The following THSD7B variants were observed in gnomAD, a reference collection of about 807,000 sequenced individuals.
THSD7B encodes thrombospondin type 1 domain containing 7B.
A neutral mutation model predicts 213.6 loss-of-function variants in THSD7B; 138 were observed. The ratio of observed to expected loss-of-function variants is 0.65; its 90% CI spans 0.56 to 0.74. THSD7B has a LOEUF of 0.74. Among genes scored for constraint, THSD7B ranks in the 30% least tolerant of loss-of-function variants. THSD7B has a pLI of 0.00. For synonymous variants in THSD7B, 742 were observed against 687.0 expected (o/e 1.08, Z -1.25); for missense variants, 1,931 against 1,991.5 (o/e 0.97, Z 0.58).
intron 7 of THSD7B, among the ~76,000 whole-genome samples, chr2:137,212,025 C>A (rs922419734): frequency 6.6e-6 from 1 of 151,966 alleles, no homozygotes; most frequent in African/African-American, 2.4e-5. Context: ...ATGTGAATCA[C>A]AACAATCACG....
intron 3 of THSD7B, among the ~76,000 whole-genome samples, chr2:137,064,833 T>G (rs1177979997): frequency 6.6e-6 from 1 of 152,088 alleles, no homozygotes; most frequent in Non-Finnish European, 1.5e-5. Context: ...TGGGTTTATT[T>G]CTGGGTTCTC....
intron 12 of THSD7B, among the ~76,000 whole-genome samples, chr2:137,281,562 C>G (rs1256845202): frequency 6.7e-6 from 1 of 150,292 alleles, no homozygotes; most frequent in East Asian, 2.0e-4. Flanking sequence ...CCCACCCCCA[C>G]CCCACAGCAG....
At chr2:137,274,729 T>G (rs1205668254) in intron 11 of THSD7B, among the ~76,000 whole-genome samples, 1 of 152,122 alleles carries the variant, frequency 6.6e-6, no homozygotes, top group Admixed American at 6.6e-5. Context: ...CAATGACATT[T>G]TAGTTCAAAA....
intron 12 of THSD7B, among the ~76,000 whole-genome samples, chr2:137,360,572 T>G (rs1685230237): frequency 6.6e-6 from 1 of 152,178 alleles, no homozygotes; most frequent in Non-Finnish European, 1.5e-5. Flanking sequence ...ATCCCTTGCC[T>G]GGCTCAGTGG....
At position 137,129,912 on chromosome 2, in the gene THSD7B, G is replaced by A. The variant is rs1179929421; in HGVS notation, c.1369+14619G>A. Among the ~76,000 whole-genome samples, 5 of 152,208 alleles carry A rather than the reference G, an allele frequency of 3.3e-5. No homozygotes were observed. In the East Asian group the frequency reaches 9.6e-4, roughly 29 times the overall value. On this transcript the variant is annotated intron_variant, in intron 5 of 27. Transcript: ENST00000409968. Reference sequence around the variant, plus strand: ...CACTGTTTTCTAATGAGAATACGATGAGCATTAGTGGGAAAATGTAGAAGG... The same window carrying A: ...CACTGTTTTCTAATGAGAATACGATAAGCATTAGTGGGAAAATGTAGAAGG...
At chr2:137,362,215 C>T (rs530409887) in intron 12 of THSD7B, among the ~76,000 whole-genome samples, 145 of 152,224 alleles carry the variant, frequency 9.5e-4, no homozygotes, top group Non-Finnish European at 1.6e-3. Flanking sequence ...GCCTGCCTTA[C>T]GAGAACTCCT....
rs1432526741 is a variant in THSD7B, at chr2:137,555,808, G to A, written c.3139-7413G>A. ...TAAAAACCTTGAAAAAAGACTAGAC[G>A]AATGGCTAGCTAGAATAACCAATGC... On this transcript the variant is annotated intron_variant, in intron 15 of 27. Coordinates refer to ENST00000409968, the MANE Select transcript of THSD7B (RefSeq NM_001316349.2). Among the ~76,000 whole-genome samples the A allele has an allele frequency of 7.9e-5, 12 of 152,110 alleles. No homozygotes were observed. The East Asian group carries it at 1.4e-3, about 17-fold the overall frequency.
chr2:137,618,321 C>A, intron 18 of THSD7B, 71 bp from the exon 19 acceptor site: 1 of 1,203,066 alleles, frequency 8.3e-7, no homozygotes, highest in Non-Finnish European at 1.2e-6. Flanking sequence ...AGCAGATAAT[C>A]AAAGGTCTGT....
At chr2:137,610,091 T>C (rs1302433087) in intron 17 of THSD7B, among the ~76,000 whole-genome samples, 2 of 152,132 alleles carry the variant, frequency 1.3e-5, no homozygotes, top group Non-Finnish European at 2.9e-5. Flanking sequence ...ATTGTGCACA[T>C]AAAGTTCAGA....
intron 2 of THSD7B, among the ~76,000 whole-genome samples, chr2:136,920,406 G>A (rs1177861447): frequency 6.6e-6 from 1 of 152,206 alleles, no homozygotes. Flanking sequence ...GAAGAGACCT[G>A]TAATGGGTAG....
chr2:136,860,236 G>A (rs1683238778), intron 1 of THSD7B, among the ~76,000 whole-genome samples: 1 of 151,994 alleles, frequency 6.6e-6, no homozygotes, highest in Admixed American at 6.6e-5. Context: ...AGACAGCGAT[G>A]CGAGTAGAGG....
chr2:137,387,662 A>C (rs34226559), intron 12 of THSD7B, among the ~76,000 whole-genome samples: 1,950 of 152,260 alleles, frequency 0.013, 20 homozygotes, highest in Non-Finnish European at 0.02. Context: ...ACCAAAAAAG[A>C]AATATTTTTT....
chr2:137,519,788 G>GTAAA (rs1288069415), intron 15 of THSD7B, among the ~76,000 whole-genome samples: 1 of 152,138 alleles, frequency 6.6e-6, no homozygotes, highest in African/African-American at 2.4e-5. Flanking sequence ...TTTTATACAT[G>GTAAA]TAAACTTTCT....
intron 4 of THSD7B, among the ~76,000 whole-genome samples, chr2:137,096,677 G>A (rs926767347): frequency 1.3e-5 from 2 of 152,176 alleles, no homozygotes; most frequent in African/African-American, 4.8e-5. Context: ...ACAGAAGCTT[G>A]AAAATGGCAT....
intron 11 of THSD7B, among the ~76,000 whole-genome samples, chr2:137,273,371 T>TC (rs889539850): frequency 5.3e-5 from 8 of 152,160 alleles, no homozygotes; most frequent in Admixed American, 4.6e-4. Flanking sequence ...CTCACAAACT[T>TC]CCCCCCTTTT....
intron 1 of THSD7B, among the ~76,000 whole-genome samples, chr2:136,855,728 T>TC (rs1344995579): frequency 2.0e-5 from 3 of 152,100 alleles, no homozygotes; most frequent in African/African-American, 7.2e-5. Flanking sequence ...CGCCTGGGCC[T>TC]CCCAAAGTGC....
intron 4 of THSD7B, among the ~76,000 whole-genome samples, chr2:137,098,119 G>A (rs1030136367): frequency 3.9e-5 from 6 of 152,104 alleles, no homozygotes; most frequent in South Asian, 2.1e-4. Flanking sequence ...AGAAATTCTC[G>A]TTTCCTTTCA....
At chr2:137,219,876 T>C (rs1345407783) in intron 7 of THSD7B, among the ~76,000 whole-genome samples, 1 of 152,182 alleles carries the variant, frequency 6.6e-6, no homozygotes. Context: ...GTAATTTTCA[T>C]TGCATCATAC....
At chr2:137,477,873 G>GT (rs907732977) in intron 15 of THSD7B, among the ~76,000 whole-genome samples, 31 of 148,672 alleles carry the variant, frequency 2.1e-4, no homozygotes, top group East Asian at 1.2e-3. Context: ...TTGACTGATA[G>GT]TTTTTTTTTT....
Sources: gnomAD v4.1 joint callset for allele counts (sites outside exome capture counted in the v4.1 genomes callset) on GRCh38, gnomAD v4.1.1 for gene constraint, MANE v1.5 for transcripts, NCBI Gene and HGNC (gene_info 2026-07-23, HGNC 2026-07-21) for gene names.